The following TUT1 variants were observed in gnomAD, a reference collection of about 807,000 sequenced individuals.
The protein encoded by TUT1 is speckle targeted PIP5K1A-regulated poly(A) polymerase.
In TUT1, 26 loss-of-function variants were observed where a neutral mutation model predicts 48.8. The observed-to-expected ratio is 0.53, with a 90% confidence interval of 0.39 to 0.74. TUT1 has a LOEUF of 0.74. Ranked by LOEUF, TUT1 falls within the 30% of genes least tolerant of loss-of-function variation. TUT1 has a pLI of 0.00. For missense variants in TUT1, 1,065 were observed against 1,114.8 expected (o/e 0.96, Z 0.64); for synonymous variants, 470 against 460.8 (o/e 1.02, Z -0.26).
intron 1 of TUT1, 89 bp downstream of exon 1, chr11:62,591,315 C>T (rs1410585816): frequency 2.8e-6 from 4 of 1,442,174 alleles, no homozygotes; most frequent in Non-Finnish European, 2.7e-6. Context: ...TTGACAAGAA[C>T]GACTGACTAC....
At chr11:62,589,946 C>G (rs1285165041) in intron 1 of TUT1, among the ~76,000 whole-genome samples, 3 of 152,216 alleles carry the variant, frequency 2.0e-5, no homozygotes, top group Non-Finnish European at 4.4e-5. Context: ...ATATCAGTAT[C>G]TAGCACCTCA....
At chr11:62,591,166 AAAG>A (rs1443084664) in intron 1 of TUT1, among the ~76,000 whole-genome samples, 1 of 151,406 alleles carries the variant, frequency 6.6e-6, no homozygotes, top group Non-Finnish European at 1.5e-5. Flanking sequence ...GATGATGGTT[AAAG>A]AAGTAATAAA....
chr11:62,586,417 G>A (rs1341829790), intron 2 of TUT1, among the ~76,000 whole-genome samples: 2 of 152,236 alleles, frequency 1.3e-5, no homozygotes, highest in African/African-American at 4.8e-5. Context: ...GAATGTTGTG[G>A]AGATTAGATG....
chr11:62,576,799 G>A, intron 7 of TUT1, 50 bp from the exon 8 acceptor site: 2 of 1,603,394 alleles, frequency 1.2e-6, no homozygotes, highest in Middle Eastern at 1.7e-4. Context: ...GGAGATTGAG[G>A]GTGGGGGTAG....
chr11:62,589,250 T>G, intron 1 of TUT1, 29 bp from the exon 2 acceptor site: 1 of 1,608,256 alleles, frequency 6.2e-7, no homozygotes. Context: ...GACAAAAACA[T>G]GCAAAGCACT....
intron 6 of TUT1, 68 bp downstream of exon 6, chr11:62,577,114 C>T: frequency 7.5e-6 from 12 of 1,591,322 alleles, no homozygotes; most frequent in Non-Finnish European, 1.0e-5. Context: ...GACCTCCCTT[C>T]TCTCCCTGAA....
intron 6 of TUT1, 23 bp from the exon 7 acceptor site, chr11:62,577,040 C>A (rs374902936): frequency 2.5e-6 from 4 of 1,610,120 alleles, no homozygotes; most frequent in Admixed American, 1.7e-5. Context: ...GCAATAATTC[C>A]GGTTAGATCA....
Position 62,575,899 on chromosome 11 carries a change from G to A in TUT1, c.1820C>T (p.Thr607Met), listed in dbSNP as rs755313877. The A allele has an allele frequency of 1.1e-5, 18 of 1,614,058 alleles. No individual in the cohort carries two copies. The highest frequency in any genetic ancestry group is 2.7e-5 in the African/African-American group (2 of 74,934). The change falls in exon 9 of 9, where the codon ACG becomes ATG. Residue 607 changes from threonine (T) to methionine (M), a missense_variant. Physicochemically the swap from Thr to Met is moderately conservative, Grantham distance 81. Transcript: ENST00000476907. ...GGGTGCAAGGGGTAAAGGGATCGGC[G>A]TAGCAGAGAGCAGGGAGCTGGGGGA... ...PSSPSSLLSA[T>M]PIPLPLAPFT...
chr11:62,581,761 T>A, intron 2 of TUT1, 60 bp from the exon 3 acceptor site: 4 of 1,286,018 alleles, frequency 3.1e-6, no homozygotes, highest in Non-Finnish European at 4.1e-6. Context: ...GCACGAGATC[T>A]ACAGTGGATG....
At chr11:62,582,184 T>C (rs1941838174) in intron 2 of TUT1, among the ~76,000 whole-genome samples, 1 of 152,020 alleles carries the variant, frequency 6.6e-6, no homozygotes, top group African/African-American at 2.4e-5. Context: ...GGTTTCACCA[T>C]GTTGGCCAGG....
rs1471279908 is a variant in TUT1 at position 62,577,284 on chromosome 11, G to A, written c.1168C>T (p.Leu390=). Residue 390 remains leucine, a synonymous_variant, in exon 6 of 9, where the codon CTG becomes TTG. Transcript: ENST00000476907. ...AGACTCAGGAAACGGGAGTTATGCA[G>A]GGCCAGCCTGGGACAAAGCAGGGAC... ...GDVSLSNRLA[L]HNSRFLSLCS... The A allele has an allele frequency of 6.2e-7, 1 of 1,612,280 alleles. No individual in the cohort carries two copies. Among genetic ancestry groups the A allele is most frequent in the African/African-American group, 1.3e-5 (1 of 74,850 alleles).
rs746718084 is a variant in TUT1 at position 62,581,376 on chromosome 11, G to A, written c.589+10C>T. On this transcript the variant is annotated intron_variant, in intron 3 of 8. Coordinates refer to ENST00000476907, the MANE Select transcript of TUT1 (RefSeq NM_022830.3). ...GGGAGGGCTCAGACATAGTAGGGGA[G>A]GTAACTTACCAGGGAAGAACTCTGT... The A allele has an allele frequency of 6.3e-7, 1 of 1,590,052 alleles. No individual in the cohort carries two copies. The highest frequency in any genetic ancestry group is 1.3e-5 in the African/African-American group (1 of 74,516).
intron 8 of TUT1, 80 bp from the exon 9 acceptor site, chr11:62,576,324 C>A (rs1941727159): frequency 7.0e-7 from 1 of 1,428,916 alleles, no homozygotes; most frequent in Admixed American, 2.8e-5. Context: ...GAGCCATTTC[C>A]TTAGCAGGAC....
At chr11:62,584,275 G>A (rs540978316) in intron 2 of TUT1, among the ~76,000 whole-genome samples, 9 of 151,044 alleles carry the variant, frequency 6.0e-5, no homozygotes, top group East Asian at 3.9e-4. Flanking sequence ...TCAAAGACAC[G>A]CACCACTACA....
At position 62,581,748 on chromosome 11, in the gene TUT1, T is replaced by C. The variant is rs948738189; in HGVS notation, c.274-47A>G. 5 of 1,313,200 alleles carry C rather than the reference T, an allele frequency of 3.8e-6. No individual in the cohort carries two copies. The African/African-American group carries it at 6.2e-5, about 16-fold the overall frequency. The allele number at this position is 1,313,200 out of a possible 1,614,324, so 81.3% of individuals were successfully genotyped here. ...GATGATGATTTTGGAACCAAGAATCTAAGCACGAGATCTACAGTGGATGAG... is the reference window on the plus strand; with the variant it reads ...GATGATGATTTTGGAACCAAGAATCCAAGCACGAGATCTACAGTGGATGAG... On this transcript the variant is annotated intron_variant, in intron 2 of 8. Transcript: ENST00000476907.
At chr11:62,589,319 A>G in intron 1 of TUT1, 98 bp from the exon 2 acceptor site, 1 of 1,181,854 alleles carries the variant, frequency 8.5e-7, no homozygotes, top group East Asian at 2.5e-5. Flanking sequence ...CTTCCAAGCC[A>G]CAGAAACTGT....
chr11:62,578,976 G>A lies in TUT1; in HGVS notation c.745C>T (p.Leu249=), dbSNP rs771430657. ...PSLDSALASP[L]DPQALACTPA... ...GTGCAGGCCAGGGCTTGAGGGTCCA[G>A]TGGGGAAGCCAGGGCCGAGTCCAGC... Residue 249 remains leucine, a synonymous_variant, in exon 5 of 9, where the codon CTG becomes TTG. Coordinates refer to ENST00000476907, the MANE Select transcript of TUT1 (RefSeq NM_022830.3). 2.0e-6 allele frequency: 3 copies of A among 1,524,834 alleles called. No homozygotes were observed. Among genetic ancestry groups the A allele is most frequent in the Admixed American group, 4.4e-5 (2 of 45,500 alleles). 94.5% of individuals were successfully genotyped at this position (1,524,834 alleles called of 1,614,324 possible).
chr11:62,590,210 G>C (rs1185028681), intron 1 of TUT1, among the ~76,000 whole-genome samples: 1 of 152,218 alleles, frequency 6.6e-6, no homozygotes, highest in Non-Finnish European at 1.5e-5. Context: ...TTCAAAAGTA[G>C]GGCTGGGCAC....
intron 1 of TUT1, among the ~76,000 whole-genome samples, chr11:62,590,656 A>G (rs1941995555): frequency 6.6e-6 from 1 of 151,728 alleles, no homozygotes; most frequent in Non-Finnish European, 1.5e-5. Context: ...AAAAAAAGAA[A>G]AAAGAAATTA....
Sources: allele counts gnomAD v4.1 joint callset (sites outside exome capture counted in the v4.1 genomes callset), GRCh38; gene constraint gnomAD v4.1.1; transcripts MANE v1.5; gene names NCBI Gene and HGNC (gene_info 2026-07-23, HGNC 2026-07-21).